SEPTIN6: variants seen among roughly 807,000 people sequenced by gnomAD.
SEPTIN6 encodes septin 6.
A neutral mutation model predicts 33.6 loss-of-function variants in SEPTIN6; 8 were observed. The ratio of observed to expected loss-of-function variants is 0.24; its 90% CI spans 0.14 to 0.43. The LOEUF is 0.43. Among genes scored for constraint, SEPTIN6 ranks in the 20% least tolerant of loss-of-function variants. The pLI is 1.00. For missense variants in SEPTIN6, 250 were observed against 340.8 expected (o/e 0.73, Z 2.10); for synonymous variants, 131 against 140.0 (o/e 0.94, Z 0.45).
At chrX:119,649,747 T>TCCCAA (rs1273829242) in intron 5 of SEPTIN6, among the ~76,000 whole-genome samples, 190 bp downstream of exon 5, 2 of 109,828 alleles carry the variant, frequency 1.8e-5, no homozygotes, top group Non-Finnish European at 3.8e-5. Flanking sequence ...TGAGTGCACC[T>TCCCAA]GTAATCCCAG....
intron 5 of SEPTIN6, among the ~76,000 whole-genome samples, chrX:119,648,866 G>T (rs1180851915): frequency 4.5e-5 from 5 of 111,827 alleles, no homozygotes; most frequent in Non-Finnish European, 7.5e-5. Context: ...ACTCAATAGA[G>T]AAAAAGAAAT....
intron 5 of SEPTIN6, among the ~76,000 whole-genome samples, chrX:119,642,814 C>T (rs1245386086): frequency 2.7e-5 from 3 of 111,348 alleles, no homozygotes; most frequent in South Asian, 3.8e-4. Flanking sequence ...ATTGCTTGGC[C>T]GCCAGCTGAA....
intron 3 of SEPTIN6, among the ~76,000 whole-genome samples, chrX:119,655,096 G>A (rs2054417115): frequency 9.1e-6 from 1 of 109,814 alleles, no homozygotes; most frequent in South Asian, 3.9e-4. Context: ...GCTAAAAAGT[G>A]CATTTTTTAG....
At position 119,648,649 on chromosome X, in the gene SEPTIN6, C is replaced by T. The variant is rs1014265199; in HGVS notation, c.690+1288G>A. 2.2e-4 allele frequency among the ~76,000 whole-genome samples: 25 copies of T among 111,677 alleles called. 1 individual carries two copies. The highest frequency in any genetic ancestry group is 9.4e-5 in the Non-Finnish European group (5 of 53,159). ...TGATAACAAACACATCTCGGGTGTA[C>T]TGATGGACAGGAAGTCAGGAGAGAC... On this transcript the variant is annotated intron_variant, in intron 5 of 10. Coordinates refer to ENST00000394610, the MANE Select transcript of SEPTIN6 (RefSeq NM_145799.4).
At chrX:119,620,232 C>CCA (rs1247966831) in intron 10 of SEPTIN6, among the ~76,000 whole-genome samples, 181 bp from the exon 11 acceptor site, 2 of 110,990 alleles carry the variant, frequency 1.8e-5, no homozygotes, top group African/African-American at 6.5e-5. Context: ...CTCATACACT[C>CCA]CACACACACT....
At chrX:119,616,599 G>A (rs773734484), downstream of SEPTIN6, 7 of 711,965 alleles carry the variant, frequency 9.8e-6, no homozygotes, top group African/African-American at 8.4e-5. Context: ...TGAGTGGTGT[G>A]GTGTATGTGT....
intron 1 of SEPTIN6, among the ~76,000 whole-genome samples, chrX:119,687,109 G>A (rs975454629): frequency 2.7e-5 from 3 of 111,934 alleles, no homozygotes; most frequent in African/African-American, 9.7e-5. Flanking sequence ...AGTAATACTT[G>A]TCCAGGAAGC....
rs2053690740 is a variant in SEPTIN6, at chrX:119,617,914, T to G, written c.*2179A>C. ...ATACTTTTGAATTATTCAGAGCTTCTCAAGCCTTAACTAGTTAATCTGTAC... is the reference window on the plus strand; with the variant it reads ...ATACTTTTGAATTATTCAGAGCTTCGCAAGCCTTAACTAGTTAATCTGTAC... On this transcript the variant is annotated 3_prime_UTR_variant, in exon 11 of 11. Coordinates refer to ENST00000394610, the MANE Select transcript of SEPTIN6 (RefSeq NM_145799.4). The G allele has an allele frequency of 2.5e-6, 2 of 803,706 alleles. No homozygotes were observed. The highest frequency in any genetic ancestry group is 1.4e-4 in the East Asian group (2 of 14,067). 66.2% of individuals were successfully genotyped at this position (803,706 alleles called of 1,213,427 possible).
rs2053675280 is a variant in SEPTIN6, at chrX:119,617,049, A to G, written c.*3044T>C. On this transcript the variant is annotated 3_prime_UTR_variant, in exon 11 of 11. Transcript: ENST00000394610. Reference sequence around the variant, plus strand: ...CAAAAACAAGAGCCATCTACACTGCAGCTAGGGAAAGCAAACTTCTTGGCT... The same window carrying G: ...CAAAAACAAGAGCCATCTACACTGCGGCTAGGGAAAGCAAACTTCTTGGCT... The G allele has an allele frequency of 1.1e-6, 1 of 942,643 alleles. No homozygotes were observed. Among genetic ancestry groups the G allele is most frequent in the East Asian group, 4.6e-5 (1 of 21,797 alleles). 77.7% of individuals were successfully genotyped at this position (942,643 alleles called of 1,213,427 possible).
At chrX:119,672,769 T>C (rs1028586930) in intron 2 of SEPTIN6, among the ~76,000 whole-genome samples, 10 of 112,488 alleles carry the variant, frequency 8.9e-5, no homozygotes, top group South Asian at 3.6e-4. Flanking sequence ...TTGCACTTGA[T>C]GTCGATTACT....
chrX:119,680,286 C>T (rs1027250732), intron 1 of SEPTIN6, among the ~76,000 whole-genome samples: 5 of 108,431 alleles, frequency 4.6e-5, no homozygotes, highest in Non-Finnish European at 9.6e-5. Flanking sequence ...AGTGCAGTGG[C>T]ACAATCTCGG....
intron 3 of SEPTIN6, among the ~76,000 whole-genome samples, chrX:119,653,525 G>T (rs778681518): frequency 4.4e-5 from 5 of 112,670 alleles, no homozygotes; most frequent in African/African-American, 1.6e-4. Flanking sequence ...CCCACTGGCT[G>T]TATCTGTAGA....
chrX:119,621,949 C>T (rs2053774455), intron 10 of SEPTIN6, among the ~76,000 whole-genome samples: 1 of 110,647 alleles, frequency 9.0e-6, no homozygotes, highest in Non-Finnish European at 1.9e-5. Context: ...TCCATTTACT[C>T]ATCTTGCAAA....
chrX:119,626,600 C>T (rs767592298), intron 9 of SEPTIN6, among the ~76,000 whole-genome samples: 1 of 111,915 alleles, frequency 8.9e-6, no homozygotes, highest in African/African-American at 3.2e-5. Context: ...CTTTATCCAT[C>T]AGGTAATACC....
chrX:119,669,577 C>T (rs1415410651), intron 2 of SEPTIN6, among the ~76,000 whole-genome samples: 1 of 112,045 alleles, frequency 8.9e-6, no homozygotes, highest in African/African-American at 3.2e-5. Context: ...TCGTCCGCTT[C>T]CTGCATCTCT....
chrX:119,656,242 T>A (rs192617457), intron 3 of SEPTIN6, among the ~76,000 whole-genome samples: 1 of 112,033 alleles, frequency 8.9e-6, no homozygotes, highest in African/African-American at 3.2e-5. Context: ...CTTATTCATT[T>A]CGGATAATGA....
At chrX:119,625,768 T>C (rs896670561) in intron 9 of SEPTIN6, among the ~76,000 whole-genome samples, 3 of 111,398 alleles carry the variant, frequency 2.7e-5, no homozygotes, top group Non-Finnish European at 5.7e-5. Flanking sequence ...CCCAGGCTGA[T>C]CTCAAACTCC....
chrX:119,649,656 G>A, intron 5 of SEPTIN6, among the ~76,000 whole-genome samples: 1 of 109,811 alleles, frequency 9.1e-6, no homozygotes, highest in South Asian at 3.9e-4. Flanking sequence ...AGGATCGCTT[G>A]AGCCCAGGGG....
At chrX:119,676,579 G>A (rs1347051214) in intron 1 of SEPTIN6, among the ~76,000 whole-genome samples, 1 of 111,869 alleles carries the variant, frequency 8.9e-6, no homozygotes, top group Admixed American at 9.5e-5. Flanking sequence ...AGACCAGCCT[G>A]GGCAACACAG....
Sources: allele counts gnomAD v4.1 joint callset (sites outside exome capture counted in the v4.1 genomes callset), GRCh38; gene constraint gnomAD v4.1.1; transcripts MANE v1.5; gene names NCBI Gene and HGNC (gene_info 2026-07-23, HGNC 2026-07-21).